Variants in ATRNL1 observed in about 807,000 individuals in gnomAD.
ATRNL1 encodes the protein attractin like 1.
ATRNL1 carries 95 observed loss-of-function variants against 182.7 expected under a neutral mutation model. The ratio of observed to expected loss-of-function variants is 0.52; its 90% CI spans 0.44 to 0.62. The LOEUF is 0.62. ATRNL1 is among the 20% of genes least tolerant of loss of function. The pLI is 0.00. For synonymous variants in ATRNL1, 576 were observed against 568.3 expected (o/e 1.01, Z -0.19); for missense variants, 1,471 against 1,679.5 (o/e 0.88, Z 2.17).
intron 9 of ATRNL1, among the ~76,000 whole-genome samples, chr10:115,226,085 A>G (rs1849682284): frequency 6.6e-6 from 1 of 151,812 alleles, no homozygotes; most frequent in Non-Finnish European, 1.5e-5. Flanking sequence ...GAAATAGACT[A>G]ATGCAGCAAA....
intron 24 of ATRNL1, among the ~76,000 whole-genome samples, chr10:115,506,762 T>C (rs189652905): frequency 1.8e-4 from 27 of 152,080 alleles, no homozygotes; most frequent in Non-Finnish European, 3.4e-4. Flanking sequence ...CAAATTGTCC[T>C]ATTGGAGCCA....
intron 27 of ATRNL1, among the ~76,000 whole-genome samples, chr10:115,813,392 A>C (rs750671127): frequency 6.6e-6 from 1 of 152,024 alleles, no homozygotes; most frequent in Non-Finnish European, 1.5e-5. Context: ...TATTTCCTGT[A>C]ATTTCTGTAT....
intron 27 of ATRNL1, among the ~76,000 whole-genome samples, chr10:115,754,901 T>A (rs1358267023): frequency 6.6e-6 from 1 of 152,078 alleles, no homozygotes; most frequent in Non-Finnish European, 1.5e-5. Context: ...TGAAAGTTGT[T>A]TTCCTAGGTA....
intron 26 of ATRNL1, among the ~76,000 whole-genome samples, chr10:115,643,171 C>G (rs1859368721): frequency 6.6e-6 from 1 of 152,124 alleles, no homozygotes; most frequent in African/African-American, 2.4e-5. Context: ...AATATACCCA[C>G]ATATATATGA....
chr10:115,509,359 A>G (rs1850272598), intron 24 of ATRNL1, among the ~76,000 whole-genome samples: 1 of 151,930 alleles, frequency 6.6e-6, no homozygotes, highest in Admixed American at 6.6e-5. Context: ...TCTCATGTTC[A>G]GTTGTAATCC....
intron 26 of ATRNL1, among the ~76,000 whole-genome samples, chr10:115,641,165 A>G (rs1859221633): frequency 6.6e-6 from 1 of 152,220 alleles, no homozygotes; most frequent in Non-Finnish European, 1.5e-5. Context: ...AATCATATCT[A>G]TTGAAGAAAC....
At chr10:115,653,009 T>C (rs987414430) in intron 26 of ATRNL1, among the ~76,000 whole-genome samples, 3 of 152,168 alleles carry the variant, frequency 2.0e-5, no homozygotes, top group Admixed American at 1.3e-4. Context: ...TAATAGTTTT[T>C]ATTTGTCATT....
At chr10:115,202,796 C>T (rs1848638135) in intron 8 of ATRNL1, among the ~76,000 whole-genome samples, 3 of 147,180 alleles carry the variant, frequency 2.0e-5, no homozygotes, top group Admixed American at 1.4e-4. Context: ...GGAATAGTTT[C>T]AGAAGGAATG....
intron 21 of ATRNL1, among the ~76,000 whole-genome samples, chr10:115,439,608 C>T (rs545574666): frequency 5.9e-5 from 9 of 151,888 alleles, no homozygotes; most frequent in African/African-American, 1.9e-4. Flanking sequence ...ACATCCTCCC[C>T]AGAACCTGTG....
At chr10:115,568,394 C>A (rs948005077) in intron 26 of ATRNL1, among the ~76,000 whole-genome samples, 1 of 151,870 alleles carries the variant, frequency 6.6e-6, no homozygotes, top group African/African-American at 2.4e-5. Flanking sequence ...AAAGAGGATG[C>A]CCAATTACTA....
intron 25 of ATRNL1, among the ~76,000 whole-genome samples, chr10:115,543,571 T>G (rs1477322455): frequency 3.3e-5 from 5 of 152,164 alleles, no homozygotes; most frequent in African/African-American, 1.2e-4. Context: ...TTATGATCAG[T>G]TAACCTCAAA....
chr10:115,349,558 TG>T (rs1244632500), intron 19 of ATRNL1, among the ~76,000 whole-genome samples: 3 of 152,346 alleles, frequency 2.0e-5, no homozygotes, highest in South Asian at 2.1e-4. Context: ...TTTTCCATAG[TG>T]GTTGTACTAA....
chr10:115,325,705 G>A (rs557432684), intron 18 of ATRNL1, among the ~76,000 whole-genome samples: 7 of 152,112 alleles, frequency 4.6e-5, no homozygotes, highest in Non-Finnish European at 8.8e-5. Context: ...GGAGGGTTGA[G>A]TGGCATTTTG....
At chr10:115,498,469 T>A (rs1171125557) in intron 24 of ATRNL1, among the ~76,000 whole-genome samples, 3 of 152,088 alleles carry the variant, frequency 2.0e-5, no homozygotes, top group Admixed American at 2.0e-4. Flanking sequence ...ATGCCATTTT[T>A]TTATGTAGTT....
At chr10:115,220,934 T>C (rs560768871) in intron 9 of ATRNL1, among the ~76,000 whole-genome samples, 21 of 152,266 alleles carry the variant, frequency 1.4e-4, no homozygotes, top group African/African-American at 4.8e-4. Context: ...AATTGATTTA[T>C]TGTGGTCCCT....
chr10:115,777,461 T>C (rs1237420825), intron 27 of ATRNL1, among the ~76,000 whole-genome samples: 1 of 152,184 alleles, frequency 6.6e-6, no homozygotes, highest in African/African-American at 2.4e-5. Flanking sequence ...AAAGTCTTGC[T>C]AAGCAAATAG....
chr10:115,324,648 A>T (rs1554932611), intron 18 of ATRNL1, among the ~76,000 whole-genome samples: 1 of 152,220 alleles, frequency 6.6e-6, no homozygotes, highest in Admixed American at 6.5e-5. Flanking sequence ...TTTCATAAAC[A>T]TATCCCAGGG....
intron 25 of ATRNL1, among the ~76,000 whole-genome samples, chr10:115,536,494 A>T (rs1476181894): frequency 2.0e-5 from 3 of 152,040 alleles, no homozygotes; most frequent in African/African-American, 7.2e-5. Flanking sequence ...GCTTGACCTG[A>T]TTTTCCAGGT....
chr10:115,433,159 A>G (rs1380978957), intron 21 of ATRNL1, among the ~76,000 whole-genome samples: 3 of 152,040 alleles, frequency 2.0e-5, no homozygotes, highest in African/African-American at 7.2e-5. Context: ...TTCATGGTGG[A>G]ATTTTGTAGT....
Sources: gnomAD v4.1 joint callset for allele counts (sites outside exome capture counted in the v4.1 genomes callset) on GRCh38, gnomAD v4.1.1 for gene constraint, MANE v1.5 for transcripts, NCBI Gene and HGNC (gene_info 2026-07-23, HGNC 2026-07-21) for gene names.